Variants in MYO1E observed in about 807,000 individuals in gnomAD.
MYO1E encodes the protein myosin IE, also known as unconventional myosin-Ie.
In MYO1E, 68 loss-of-function variants were observed where a neutral mutation model predicts 151.1. The observed-to-expected ratio is 0.45, with a 90% CI of 0.37 to 0.55. The LOEUF is 0.55. Among genes scored for constraint, MYO1E ranks in the 20% least tolerant of loss-of-function variants. The probability of loss-of-function intolerance (pLI) is 0.00; values close to 1 mark genes in which losing one functional copy is unlikely to be tolerated. For synonymous variants in MYO1E, 601 were observed against 501.7 expected (o/e 1.20, Z -2.64); for missense variants, 1,363 against 1,389.3 (o/e 0.98, Z 0.30).
chr15:59,260,988 T>C (rs1276703463), intron 3 of MYO1E, among the ~76,000 whole-genome samples: 1 of 151,942 alleles, frequency 6.6e-6, no homozygotes, highest in Non-Finnish European at 1.5e-5. Context: ...CTGAGGCAGG[T>C]GGATCACCTG....
At chr15:59,213,829 G>A (rs1245507914) in intron 12 of MYO1E, among the ~76,000 whole-genome samples, 3 of 152,128 alleles carry the variant, frequency 2.0e-5, no homozygotes, top group Non-Finnish European at 4.4e-5. Flanking sequence ...TACCAGCTTT[G>A]TTAAAAATGC....
chr15:59,189,123 G>A (rs1347266680), intron 17 of MYO1E, among the ~76,000 whole-genome samples: 1 of 151,560 alleles, frequency 6.6e-6, no homozygotes, highest in Non-Finnish European at 1.5e-5. Context: ...TTGTAGTGAT[G>A]TGATAGCTCA....
At chr15:59,242,639 G>A (rs1299416328) in intron 4 of MYO1E, among the ~76,000 whole-genome samples, 1 of 152,200 alleles carries the variant, frequency 6.6e-6, no homozygotes, top group Non-Finnish European at 1.5e-5. Context: ...AGTCATTAAT[G>A]GATGCTAAGG....
At chr15:59,346,594 A>G (rs2094411281) in intron 1 of MYO1E, among the ~76,000 whole-genome samples, 2 of 152,174 alleles carry the variant, frequency 1.3e-5, no homozygotes, top group African/African-American at 4.8e-5. Flanking sequence ...CATTCAAATC[A>G]GTAACAAGGG....
At chr15:59,170,452 T>C (rs987356664) in intron 22 of MYO1E, among the ~76,000 whole-genome samples, 1 of 152,068 alleles carries the variant, frequency 6.6e-6, no homozygotes, top group Non-Finnish European at 1.5e-5. Context: ...TCCTGTTGGG[T>C]TTCCACGGCA....
intron 10 of MYO1E, among the ~76,000 whole-genome samples, chr15:59,217,114 G>A (rs2079923511): frequency 6.6e-6 from 1 of 152,116 alleles, no homozygotes; most frequent in Non-Finnish European, 1.5e-5. Context: ...TCAGCTTCCT[G>A]ACTGCAACCT....
chr15:59,226,726 G>A (rs1469209656), intron 7 of MYO1E, among the ~76,000 whole-genome samples: 1 of 152,228 alleles, frequency 6.6e-6, no homozygotes, highest in African/African-American at 2.4e-5. Flanking sequence ...GGGATCATTT[G>A]AGCCCAGGAT....
intron 26 of MYO1E, among the ~76,000 whole-genome samples, chr15:59,140,127 A>C (rs2079400831): frequency 6.6e-6 from 1 of 151,886 alleles, no homozygotes; most frequent in South Asian, 2.1e-4. Context: ...GCCCTGTAGG[A>C]TCCCTGGCCT....
At chr15:59,258,396 TACAGAA>T (rs1299890994) in intron 3 of MYO1E, among the ~76,000 whole-genome samples, 1 of 145,848 alleles carries the variant, frequency 6.9e-6, no homozygotes, top group Non-Finnish European at 1.5e-5. Flanking sequence ...GGAAGTGAGG[TACAGAA>T]ACAGCCAGAT....
chr15:59,351,534 A>G (rs2080823093), intron 1 of MYO1E, among the ~76,000 whole-genome samples: 1 of 152,180 alleles, frequency 6.6e-6, no homozygotes, highest in African/African-American at 2.4e-5. Flanking sequence ...GTAGGAACTG[A>G]GAGTTTTTGA....
chr15:59,192,529 TA>T (rs2140328388), intron 17 of MYO1E, among the ~76,000 whole-genome samples: 1 of 152,166 alleles, frequency 6.6e-6, no homozygotes, highest in South Asian at 2.1e-4. Flanking sequence ...GAGGGTGTGC[TA>T]GGGGGCATTG....
intron 1 of MYO1E, among the ~76,000 whole-genome samples, chr15:59,365,178 C>T (rs529311657): frequency 1.3e-4 from 20 of 151,940 alleles, no homozygotes; most frequent in Non-Finnish European, 2.4e-4. Context: ...TGCCACCACA[C>T]TCGGCTAATT....
At position 59,233,238 on chromosome 15, in the gene MYO1E, G is replaced by C. The variant is rs1339109658; in HGVS notation, c.421-1447C>G. On this transcript the variant is annotated intron_variant, in intron 5 of 27. Transcript: ENST00000288235. ...TTTTAAATTACAGTGTTTAAAATGA[G>C]AATCTTTATGTATCCATTCATCCAT... Among the ~76,000 whole-genome samples the C allele has an allele frequency of 2.0e-5, 3 of 152,048 alleles. No homozygotes were observed. The East Asian group carries it at 5.8e-4, about 29-fold the overall frequency.
chr15:59,214,819 C>G (rs1358745663), intron 10 of MYO1E, 99 bp from the exon 11 acceptor site: 2 of 901,764 alleles, frequency 2.2e-6, no homozygotes, highest in Admixed American at 1.7e-5. Flanking sequence ...ACGGCAAACA[C>G]TACTGCTTGC....
At chr15:59,341,967 C>CG (rs1169316176) in intron 1 of MYO1E, among the ~76,000 whole-genome samples, 1 of 152,168 alleles carries the variant, frequency 6.6e-6, no homozygotes, top group East Asian at 1.9e-4. Flanking sequence ...AGTGGCTATA[C>CG]TCATTTATAT....
At chr15:59,277,950 T>C (rs1439568554) in intron 1 of MYO1E, among the ~76,000 whole-genome samples, 3 of 152,238 alleles carry the variant, frequency 2.0e-5, no homozygotes, top group Non-Finnish European at 4.4e-5. Context: ...GTAACCTTTA[T>C]TTTCCATTTT....
intron 10 of MYO1E, among the ~76,000 whole-genome samples, chr15:59,215,155 T>G (rs2079905272): frequency 1.3e-5 from 2 of 152,196 alleles, no homozygotes; most frequent in African/African-American, 4.8e-5. Flanking sequence ...ATGCCAGGGA[T>G]GCTAAGGACA....
intron 10 of MYO1E, among the ~76,000 whole-genome samples, chr15:59,215,262 C>T (rs998007379): frequency 7.2e-5 from 11 of 152,150 alleles, no homozygotes; most frequent in South Asian, 2.1e-4. Flanking sequence ...AAGCAGCTTA[C>T]GTCTATTAAA....
In MYO1E at chr15:59,214,173, T is replaced by C. The variant is rs116040673; in HGVS notation, c.1275+55A>G. The stretch of plus-strand genomic sequence containing the variant: ...TAACAAAAGACAGAAATCTATACCC[T>C]CTTAAACAAAATAAATTATAAATAG... On this transcript the variant is annotated intron_variant, in intron 12 of 27. Transcript: ENST00000288235. The C allele has an allele frequency of 1.6e-3, 2,345 of 1,435,098 alleles. 36 individuals carry two copies. The African/African-American group carries it at 0.029, about 18-fold the overall frequency. The allele number at this position is 1,435,098 out of a possible 1,614,324, so 88.9% of individuals were successfully genotyped here.
Sources: allele counts gnomAD v4.1 joint callset (sites outside exome capture counted in the v4.1 genomes callset), GRCh38; gene constraint gnomAD v4.1.1; transcripts MANE v1.5; gene names NCBI Gene and HGNC (gene_info 2026-07-23, HGNC 2026-07-21).